Variants in IQSEC1 observed in about 807,000 individuals in gnomAD.
IQSEC1 encodes the protein IQ motif and SEC7 domain-containing protein 1.
Under a neutral mutation model 91.0 loss-of-function variants are expected in IQSEC1, and 31 were observed. That is an observed-to-expected ratio of 0.34 (90% CI 0.26 to 0.46). IQSEC1 has a LOEUF of 0.46. IQSEC1 is among the 20% of genes least tolerant of loss of function. The probability of loss-of-function intolerance (pLI) is 1.00; values close to 1 mark genes in which losing one functional copy is unlikely to be tolerated. For missense variants in IQSEC1, 1,388 were observed against 1,575.6 expected (o/e 0.88, Z 2.02); for synonymous variants, 699 against 662.6 (o/e 1.05, Z -0.84).
At chr3:13,172,687 A>T (rs1442879865) in intron 1 of IQSEC1, among the ~76,000 whole-genome samples, 1 of 152,178 alleles carries the variant, frequency 6.6e-6, no homozygotes, top group Non-Finnish European at 1.5e-5. Flanking sequence ...GGACATTGCC[A>T]TTGTCCCCTG....
At chr3:12,945,443 C>T (rs1229627818) in intron 1 of IQSEC1, among the ~76,000 whole-genome samples, 1 of 151,224 alleles carries the variant, frequency 6.6e-6, no homozygotes, top group Non-Finnish European at 1.5e-5. Context: ...TCCCCCGACT[C>T]AAACGCCCCC....
rs995180811 is a variant in IQSEC1, at chr3:13,233,632, C to T, written c.272+49079G>A. 9.2e-5 allele frequency among the ~76,000 whole-genome samples: 14 copies of T among 152,340 alleles called. 2 individuals carry two copies. Among genetic ancestry groups the T allele is most frequent in the Admixed American group, 7.8e-4 (12 of 15,314 alleles). On this transcript the variant is annotated intron_variant, in intron 1 of 15. Coordinates refer to the IQSEC1 transcript ENST00000648114. ...CATAACCCCACTCTCTTCCCTTCCT[C>T]CCCTCCGCCTGACTGTCCTCACAGC...
In IQSEC1 at chr3:12,900,593, G is replaced by A; in HGVS notation, c.*390C>T. On this transcript the variant is annotated 3_prime_UTR_variant, in exon 14 of 14. Coordinates refer to ENST00000613206, the MANE Select transcript of IQSEC1 (RefSeq NM_001134382.3). ...TGCAGCAAGTTTTGGGGTTTGTTTT[G>A]TCTGTTTTTGTATCTCATTTCTTCG... 9.7e-7 allele frequency: 1 copy of A among 1,028,302 alleles called. No individual in the cohort carries two copies. The highest frequency in any genetic ancestry group is 1.2e-6 in the Non-Finnish European group (1 of 856,746). 63.7% of individuals were successfully genotyped at this position (1,028,302 alleles called of 1,614,324 possible).
In IQSEC1 at chr3:12,922,275, C is replaced by A. The variant is rs1559625508; in HGVS notation, c.1731-33G>T. On this transcript the variant is annotated intron_variant, in intron 4 of 13. Coordinates refer to ENST00000613206, the MANE Select transcript of IQSEC1 (RefSeq NM_001134382.3). The surrounding 1 kb of genome is among the most constrained non-coding windows in gnomAD (Gnocchi z 5.1). ...AGAGACAGACAGCCCCGCATAAGCA[C>A]CCCTTGCAGGTGCGACACGCCCAGC... The A allele has an allele frequency of 2.6e-6, 4 of 1,520,854 alleles. No individual in the cohort carries two copies. The highest frequency in any genetic ancestry group is 3.6e-6 in the Non-Finnish European group (4 of 1,122,176). 94.2% of individuals were successfully genotyped at this position (1,520,854 alleles called of 1,614,324 possible).
At chr3:13,092,374 T>TA (rs1173960225) in intron 2 of IQSEC1, among the ~76,000 whole-genome samples, 1 of 152,048 alleles carries the variant, frequency 6.6e-6, no homozygotes, top group Non-Finnish European at 1.5e-5. Context: ...TGCAAAGAGA[T>TA]ACCTGCAAAA....
chr3:13,097,949 T>A (rs1265119317), intron 2 of IQSEC1, among the ~76,000 whole-genome samples: 1 of 152,194 alleles, frequency 6.6e-6, no homozygotes, highest in Non-Finnish European at 1.5e-5. Context: ...CCTGGACACT[T>A]AAAGCCCTGG....
At chr3:13,102,857 C>T (rs2124835742) in intron 2 of IQSEC1, among the ~76,000 whole-genome samples, 1 of 152,292 alleles carries the variant, frequency 6.6e-6, no homozygotes, top group South Asian at 2.1e-4. Flanking sequence ...GAGGGCTGTG[C>T]CTGCCACGGC....
rs1280153375 is a variant in IQSEC1, at chr3:12,940,591, A to C, written c.318+980T>G. On this transcript the variant is annotated intron_variant, in intron 2 of 13. Transcript: ENST00000613206. The surrounding 1 kb of genome is among the most constrained non-coding windows in gnomAD (Gnocchi z 4.4). The stretch of plus-strand genomic sequence containing the variant: ...CAGGGGCAGAGGCAGCTGCCTGGGC[A>C]TCTGGAGGAGCTGTCTAGAGCTCAG... Among the ~76,000 whole-genome samples the C allele has an allele frequency of 1.3e-5, 2 of 151,692 alleles. No homozygotes were observed. Among genetic ancestry groups the C allele is most frequent in the African/African-American group, 4.8e-5 (2 of 41,288 alleles).
At chr3:13,138,568 G>C (rs1415468087) in intron 2 of IQSEC1, among the ~76,000 whole-genome samples, 1 of 152,110 alleles carries the variant, frequency 6.6e-6, no homozygotes. Flanking sequence ...ATGCTGCCAG[G>C]CTCCCGGCAG....
At chr3:13,254,985 C>T (rs1435398103) in intron 1 of IQSEC1, among the ~76,000 whole-genome samples, 1 of 152,206 alleles carries the variant, frequency 6.6e-6, no homozygotes, top group Admixed American at 6.5e-5. Context: ...ATCCACACAG[C>T]CCTCCCCCAA....
intron 1 of IQSEC1, among the ~76,000 whole-genome samples, chr3:13,013,861 G>A (rs1023616462): frequency 6.6e-6 from 1 of 152,228 alleles, no homozygotes; most frequent in African/African-American, 2.4e-5. Context: ...CAGAGTCATG[G>A]AGTGCTTAAA....
intron 12 of IQSEC1, among the ~76,000 whole-genome samples, chr3:12,905,115 C>T (rs974668846): frequency 6.6e-6 from 1 of 152,250 alleles, no homozygotes; most frequent in Non-Finnish European, 1.5e-5. Flanking sequence ...CCCATGCGTA[C>T]GCAGCCTCCC....
intron 1 of IQSEC1, among the ~76,000 whole-genome samples, chr3:13,010,773 G>A (rs755353942): frequency 6.6e-6 from 1 of 152,164 alleles, no homozygotes; most frequent in Non-Finnish European, 1.5e-5. Context: ...ATGCCTGCAG[G>A]GAGAGGCCAG....
chr3:13,246,266 G>A (rs1236010337), intron 1 of IQSEC1, among the ~76,000 whole-genome samples: 4 of 152,180 alleles, frequency 2.6e-5, no homozygotes, highest in Non-Finnish European at 4.4e-5. Context: ...ACCAAAGGCC[G>A]AGAACAGCAG....
chr3:13,146,837 T>TA (rs1261157447), intron 2 of IQSEC1, among the ~76,000 whole-genome samples: 6 of 151,852 alleles, frequency 4.0e-5, no homozygotes, highest in East Asian at 1.9e-4. Context: ...CTGTCCCTGC[T>TA]AAAAAAAAGA....
chr3:13,083,960 C>G (rs528022246), intron 2 of IQSEC1, among the ~76,000 whole-genome samples: 1 of 152,248 alleles, frequency 6.6e-6, no homozygotes, highest in Admixed American at 6.5e-5. Context: ...GCCTTCCCCC[C>G]ATCCCCTAGC....
intron 1 of IQSEC1, among the ~76,000 whole-genome samples, chr3:12,972,014 A>AGAAC (rs1553668032): frequency 0.062 from 9,193 of 148,598 alleles, 429 homozygotes; most frequent in Non-Finnish European, 0.093. Flanking sequence ...ACTCCATCTC[A>AGAAC]AAACAAACAA....
At chr3:13,071,155 T>TTG (rs1553563503) in intron 1 of IQSEC1, among the ~76,000 whole-genome samples, 40 of 118,226 alleles carry the variant, frequency 3.4e-4, no homozygotes, top group Middle Eastern at 8.1e-3. Context: ...TTTTTTTTGT[T>TTG]TTTTTTTTTT....
chr3:13,030,940 C>T (rs1703821412), intron 1 of IQSEC1, among the ~76,000 whole-genome samples: 3 of 152,226 alleles, frequency 2.0e-5, no homozygotes, highest in African/African-American at 7.2e-5. Flanking sequence ...CAATAAGAAG[C>T]TAAAAGCAAT....
Sources: gnomAD v4.1 joint callset for allele counts (sites outside exome capture counted in the v4.1 genomes callset) on GRCh38, gnomAD v4.1.1 for gene constraint, Gnocchi (gnomAD v3.1) non-coding constraint, MANE v1.5 for transcripts, NCBI Gene and HGNC (gene_info 2026-07-23, HGNC 2026-07-21) for gene names.